Variants in SIK3 observed in about 807,000 individuals in gnomAD.
SIK3 encodes the protein SIK family kinase 3.
A neutral mutation model predicts 144.2 loss-of-function variants in SIK3; 28 were observed. That is an observed-to-expected ratio of 0.19 (90% CI 0.14 to 0.27). The LOEUF (loss-of-function observed/expected upper bound fraction) is 0.27. SIK3 is among the 10% of genes least tolerant of loss of function. SIK3 has a pLI of 1.00. For missense variants in SIK3, 1,319 were observed against 1,776.0 expected (o/e 0.74, Z 4.62); for synonymous variants, 686 against 676.3 (o/e 1.01, Z -0.22).
chr11:117,042,591 T>C (rs1952793314), intron 1 of SIK3, among the ~76,000 whole-genome samples: 1 of 152,208 alleles, frequency 6.6e-6, no homozygotes, highest in African/African-American at 2.4e-5. Context: ...TCCAGGAGTC[T>C]TTCCTCCACA....
chr11:116,856,210 A>G (rs1475197119), intron 21 of SIK3, among the ~76,000 whole-genome samples: 2 of 151,654 alleles, frequency 1.3e-5, no homozygotes, highest in Non-Finnish European at 2.9e-5. Context: ...AAAAAAAAAA[A>G]AAAGAAACGT....
intron 1 of SIK3, among the ~76,000 whole-genome samples, chr11:116,983,880 C>A (rs1362512524): frequency 6.6e-6 from 1 of 151,874 alleles, no homozygotes; most frequent in African/African-American, 2.4e-5. Context: ...GCCTGGGCAA[C>A]ATGCGAAATC....
intron 1 of SIK3, among the ~76,000 whole-genome samples, chr11:117,016,394 GGGAAGGAAGGAAGGAAGGAA>G (rs771165423): frequency 5.1e-5 from 3 of 59,280 alleles, no homozygotes; most frequent in East Asian, 7.5e-4. Flanking sequence ...GAGGGAGGGA[GGGAAGGAAGGAAGGAAGGAA>G]GGAAGGAAGG....
At chr11:116,884,379 G>A (rs1317362012) in intron 6 of SIK3, among the ~76,000 whole-genome samples, 3 of 137,394 alleles carry the variant, frequency 2.2e-5, no homozygotes, top group East Asian at 2.1e-4. Context: ...ATGGAGTCTC[G>A]CTCTGTCGCC....
In SIK3 at chr11:116,844,407, A is replaced by T. The variant is rs1555058923; in HGVS notation, c.*1236T>A. On this transcript the variant is annotated 3_prime_UTR_variant, in exon 25 of 25. Coordinates refer to ENST00000445177, the MANE Select transcript of SIK3 (RefSeq NM_001366686.3). ...AAAATTCCTTTTCTCTTTATTTATT[A>T]ATAATGATAATAACAATAATATCAA... 8 of 151,542 alleles carry T rather than the reference A, an allele frequency of 5.3e-5. No individual in the cohort carries two copies. Among genetic ancestry groups the T allele is most frequent in the Non-Finnish European group, 1.2e-4 (8 of 67,956 alleles). The allele number at this position is 151,542 out of a possible 1,614,324, so 9.4% of individuals were successfully genotyped here.
At chr11:117,066,626 G>A (rs1954033204) in intron 1 of SIK3, among the ~76,000 whole-genome samples, 1 of 148,868 alleles carries the variant, frequency 6.7e-6, no homozygotes, top group South Asian at 2.1e-4. Context: ...GCCTTAAACA[G>A]CTAGGCTCAA....
At chr11:117,064,436 T>C (rs1953924570) in intron 1 of SIK3, among the ~76,000 whole-genome samples, 1 of 152,242 alleles carries the variant, frequency 6.6e-6, no homozygotes, top group Non-Finnish European at 1.5e-5. Context: ...TCTTGGGCAA[T>C]AAAGACTGGT....
intron 4 of SIK3, among the ~76,000 whole-genome samples, chr11:116,921,253 T>C (rs1476344980): frequency 6.6e-6 from 1 of 152,220 alleles, no homozygotes; most frequent in Non-Finnish European, 1.5e-5. Context: ...AAGATATATT[T>C]GCATGCCAAT....
intron 4 of SIK3, among the ~76,000 whole-genome samples, chr11:116,915,158 G>GTGTA (rs1555093397): frequency 4.7e-5 from 7 of 148,670 alleles, no homozygotes; most frequent in African/African-American, 1.8e-4. Context: ...GTGTGTGTGT[G>GTGTA]TGTATGTGTA....
In SIK3 at chr11:116,972,086, CAAA is replaced by C. The variant is rs35775477; in HGVS notation, c.274-15025_274-15023del. Among the ~76,000 whole-genome samples the C allele has an allele frequency of 1.6e-3, 174 of 111,962 alleles. 1 individual carries two copies. Among genetic ancestry groups the C allele is most frequent in the African/African-American group, 4.7e-3 (149 of 31,950 alleles). 73.5% of individuals were successfully genotyped at this position (111,962 alleles called of 152,430 possible). A position where few individuals can be genotyped will look rare whatever the true frequency, so the allele number is the denominator to read the frequency against. On this transcript the variant is annotated intron_variant, in intron 1 of 24. Coordinates refer to ENST00000445177, the MANE Select transcript of SIK3 (RefSeq NM_001366686.3). ...TGGGCAACAGAGCGAGACTCGGTCT[CAAA>C]AAAAAAAAAAAAAGAAAAGAATAAT...
chr11:116,844,755 T>A lies in SIK3; in HGVS notation c.*888A>T, dbSNP rs1257402662. 2 of 148,312 alleles carry A rather than the reference T, an allele frequency of 1.3e-5. No homozygotes were observed. The highest frequency in any genetic ancestry group is 4.9e-5 in the African/African-American group (2 of 40,506). 9.2% of individuals were successfully genotyped at this position (148,312 alleles called of 1,614,324 possible). A position where few individuals can be genotyped will look rare whatever the true frequency, so the allele number is the denominator to read the frequency against. On this transcript the variant is annotated 3_prime_UTR_variant, in exon 25 of 25. Coordinates refer to ENST00000445177, the MANE Select transcript of SIK3 (RefSeq NM_001366686.3). ...TTTATAGCACAATATAAAATGAGAA[T>A]GAAAGATGCCATAGAAAGCATAGTG...
chr11:116,997,372 C>T (rs1950704347), intron 1 of SIK3, among the ~76,000 whole-genome samples: 2 of 152,202 alleles, frequency 1.3e-5, no homozygotes, highest in African/African-American at 4.8e-5. Context: ...TGACTTAGCT[C>T]ATATGTGTAG....
intron 4 of SIK3, among the ~76,000 whole-genome samples, chr11:116,916,149 G>GA (rs1946621577): frequency 6.6e-6 from 1 of 152,160 alleles, no homozygotes; most frequent in Non-Finnish European, 1.5e-5. Flanking sequence ...CACTGGCTGG[G>GA]AAAAGATCCT....
chr11:116,967,516 G>A (rs1009029474), intron 1 of SIK3, among the ~76,000 whole-genome samples: 2 of 152,188 alleles, frequency 1.3e-5, no homozygotes, highest in African/African-American at 4.8e-5. Context: ...CACAGTCTGC[G>A]TGAAGTAGCA....
At chr11:117,049,349 C>T (rs1953117778) in intron 1 of SIK3, among the ~76,000 whole-genome samples, 1 of 151,750 alleles carries the variant, frequency 6.6e-6, no homozygotes, top group East Asian at 1.9e-4. Context: ...AGGCCAAGGC[C>T]GGGAGATCAC....
chr11:116,847,881 A>T (rs1274722444), intron 22 of SIK3, among the ~76,000 whole-genome samples: 2 of 152,106 alleles, frequency 1.3e-5, no homozygotes, highest in Non-Finnish European at 2.9e-5. Context: ...GCCTTCTAAA[A>T]CCAGGTTTCT....
chr11:116,865,810 T>C (rs1943602054), intron 15 of SIK3, among the ~76,000 whole-genome samples: 1 of 152,152 alleles, frequency 6.6e-6, no homozygotes, highest in Non-Finnish European at 1.5e-5. Flanking sequence ...CCATGTTTTA[T>C]AGCCTTGGAA....
intron 1 of SIK3, among the ~76,000 whole-genome samples, chr11:117,063,922 T>C (rs1364143379): frequency 6.6e-6 from 1 of 152,104 alleles, no homozygotes; most frequent in Non-Finnish European, 1.5e-5. Flanking sequence ...GTTGGTAATG[T>C]TAATACCAAT....
Position 116,858,223 on chromosome 11 carries a change from C to A in SIK3, c.3242G>T (p.Ser1081Ile), listed in dbSNP as rs1257708603. The A allele has an allele frequency of 2.5e-6, 4 of 1,614,142 alleles. No individual in the cohort carries two copies. Among genetic ancestry groups the A allele is most frequent in the Non-Finnish European group, 1.7e-6 (2 of 1,179,996 alleles). ...NQGDAGSLAPSLGGQSMTERQ... is the reference protein window; with the variant it reads ...NQGDAGSLAPILGGQSMTERQ... ...CTCTGTCATGCTCTGTCCCCCAAGG[C>A]TGGGAGCCAGACTCCCCGCATCCCC... is the stretch of plus-strand genomic sequence containing the variant. Residue 1081 changes from serine to isoleucine, a missense_variant, in exon 21 of 25, where the codon AGC (serine) becomes ATC (isoleucine). Coordinates refer to ENST00000445177, the MANE Select transcript of SIK3 (RefSeq NM_001366686.3). This position sits in a 1 kb window ranked among gnomAD's most constrained non-coding sequence, Gnocchi z 5.4.
Sources: allele counts gnomAD v4.1 joint callset (sites outside exome capture counted in the v4.1 genomes callset), GRCh38; gene constraint gnomAD v4.1.1; non-coding constraint Gnocchi (gnomAD v3.1); transcripts MANE v1.5; gene names NCBI Gene and HGNC (gene_info 2026-07-23, HGNC 2026-07-21).